UQCR10: variants seen among roughly 807,000 people sequenced by gnomAD.
UQCR10 encodes the protein cytochrome b-c1 complex subunit 9.
In UQCR10, 5 loss-of-function variants were observed where a neutral mutation model predicts 6.0. That is an observed-to-expected ratio of 0.83 (90% CI 0.43 to 1.74). The LOEUF is 1.74. Among genes scored for constraint, UQCR10 ranks in the 40% most tolerant of loss-of-function variants. The pLI, the probability that UQCR10 is intolerant of heterozygous loss-of-function variation, is 0.02. For synonymous variants in UQCR10, 40 were observed against 37.4 expected, an observed-to-expected ratio of 1.07 and a Z score of -0.26; for missense variants, 101 against 85.1, an observed-to-expected ratio of 1.19 and a Z score of -0.74.
chr22:29,770,153 C>T lies in UQCR10; in HGVS notation c.*434C>T. 2.8e-6 allele frequency: 1 copy of T among 361,126 alleles called. No individual in the cohort carries two copies. Among genetic ancestry groups the T allele is most frequent in the Middle Eastern group, 8.2e-4 (1 of 1,218 alleles). The allele number at this position is 361,126 out of a possible 1,614,324, so 22.4% of individuals were successfully genotyped here. A position where few individuals can be genotyped will look rare whatever the true frequency, so the allele number is the denominator to read the frequency against. ...ACTTTGGCTTCTAAGCCAGTAATTC[C>T]ATTCTTAAATACCTCACTGTCTTGG... On this transcript the variant is annotated 3_prime_UTR_variant, in exon 2 of 2. Coordinates refer to ENST00000330029, the MANE Select transcript of UQCR10 (RefSeq NM_013387.4).
chr22:29,768,208 C>CCA (rs1446526922), intron 1 of UQCR10, among the ~76,000 whole-genome samples: 1 of 152,118 alleles, frequency 6.6e-6, no homozygotes, highest in Non-Finnish European at 1.5e-5. Context: ...AGGCAGGGTG[C>CCA]CACATGCCTG....
At position 29,769,921 on chromosome 22, in the gene UQCR10, GAAAT is replaced by G. The variant is rs560413319; in HGVS notation, c.*207_*210del. 5.5e-6 allele frequency: 4 copies of G among 721,152 alleles called. No individual in the cohort carries two copies. Among genetic ancestry groups the G allele is most frequent in the African/African-American group, 5.2e-5 (3 of 57,520 alleles). 44.7% of individuals were successfully genotyped at this position (721,152 alleles called of 1,614,324 possible). ...AAGTATGTTTAGTCAGCATGCTCAG[GAAAT>G]AAATGTGAATTGCCCTTGAGACCTG... On this transcript the variant is annotated 3_prime_UTR_variant, in exon 2 of 2. Coordinates refer to ENST00000330029, the MANE Select transcript of UQCR10 (RefSeq NM_013387.4).
intron 1 of UQCR10, among the ~76,000 whole-genome samples, chr22:29,768,447 C>T (rs1342615878): frequency 6.6e-6 from 1 of 152,106 alleles, no homozygotes; most frequent in East Asian, 1.9e-4. Context: ...GACTCTGCAG[C>T]CCGGGAAGGC....
At chr22:29,767,953 C>T (rs961788518) in intron 1 of UQCR10, among the ~76,000 whole-genome samples, 1 of 152,144 alleles carries the variant, frequency 6.6e-6, no homozygotes, top group African/African-American at 2.4e-5. Context: ...ACGTTAGACA[C>T]CTTAGACGCC....
chr22:29,770,247 C>G lies in UQCR10; in HGVS notation c.*528C>G. Reference sequence around the variant, plus strand: ...CCTAGGGGTCTTAGCCACTCCCCACCCTAGGGTATAGTTCAGGGGTATCCA... The same window carrying G: ...CCTAGGGGTCTTAGCCACTCCCCACGCTAGGGTATAGTTCAGGGGTATCCA... On this transcript the variant is annotated 3_prime_UTR_variant, in exon 2 of 2. Transcript: ENST00000330029. The G allele has an allele frequency of 2.9e-6, 1 of 340,900 alleles. No individual in the cohort carries two copies. 21.1% of individuals were successfully genotyped at this position (340,900 alleles called of 1,614,324 possible).
intron 1 of UQCR10, among the ~76,000 whole-genome samples, chr22:29,769,211 A>G (rs1240873024): frequency 2.0e-5 from 3 of 152,124 alleles, no homozygotes; most frequent in Non-Finnish European, 4.4e-5. Flanking sequence ...GCCAAGAATT[A>G]TGCATGAAGG....
At chr22:29,768,928 C>G (rs2068245372) in intron 1 of UQCR10, among the ~76,000 whole-genome samples, 1 of 152,134 alleles carries the variant, frequency 6.6e-6, no homozygotes, top group African/African-American at 2.4e-5. Context: ...TGCTCAACCT[C>G]TTGTGCTTCT....
At position 29,767,467 on chromosome 22, in the gene UQCR10, C is replaced by G; in HGVS notation, c.69C>G (p.Leu23=). 6.2e-7 allele frequency: 1 copy of G among 1,614,040 alleles called. No individual in the cohort carries two copies. The highest frequency in any genetic ancestry group is 2.2e-5 in the East Asian group (1 of 44,876). The change falls in exon 1 of 2, where the codon CTC becomes CTG. Residue 23 remains leucine, a synonymous_variant. Coordinates refer to ENST00000330029, the MANE Select transcript of UQCR10 (RefSeq NM_013387.4). ...LLFRRTSTFA[L]TIIVGVMFFE... is the part of the protein sequence containing the mutation. ...TCCGCAGGACCTCCACCTTCGCCCT[C>G]ACCATCATCGTGGGCGTCATGTTCT...
Position 29,769,980 on chromosome 22 carries a change from C to G in UQCR10, c.*261C>G. The G allele has an allele frequency of 1.6e-6, 1 of 634,858 alleles. No homozygotes were observed. Among genetic ancestry groups the G allele is most frequent in the Non-Finnish European group, 2.9e-6 (1 of 341,326 alleles). The allele number at this position is 634,858 out of a possible 1,614,324, so 39.3% of individuals were successfully genotyped here. On this transcript the variant is annotated 3_prime_UTR_variant, in exon 2 of 2. Coordinates refer to ENST00000330029, the MANE Select transcript of UQCR10 (RefSeq NM_013387.4). ...TACATTGGTTGCTTTGTTAACTCTA[C>G]CTGATCTTCACTTGTCAGTAATTTG...
intron 1 of UQCR10, among the ~76,000 whole-genome samples, chr22:29,769,013 C>T (rs1372126586): frequency 1.3e-5 from 2 of 152,148 alleles, no homozygotes; most frequent in African/African-American, 2.4e-5. Flanking sequence ...TTTGGGACTA[C>T]GCACTTATAA....
intron 1 of UQCR10, among the ~76,000 whole-genome samples, chr22:29,769,026 T>G (rs1371248645): frequency 2.6e-5 from 4 of 152,182 alleles, no homozygotes; most frequent in South Asian, 4.1e-4. Context: ...ACTTATAATC[T>G]CTTCAGTAAT....
chr22:29,768,517 A>G (rs1170925605), intron 1 of UQCR10, among the ~76,000 whole-genome samples: 2 of 152,078 alleles, frequency 1.3e-5, no homozygotes. Flanking sequence ...ATATGAAAGC[A>G]TTGCTACTGT....
chr22:29,769,517 G>C (rs1179693345), intron 1 of UQCR10, among the ~76,000 whole-genome samples, 161 bp from the exon 2 acceptor site: 1 of 152,152 alleles, frequency 6.6e-6, no homozygotes, highest in South Asian at 2.1e-4. Context: ...TGTGCATCAA[G>C]CATAGGATTG....
At chr22:29,767,862 G>T (rs2068234682) in intron 1 of UQCR10, among the ~76,000 whole-genome samples, 1 of 152,160 alleles carries the variant, frequency 6.6e-6, no homozygotes. Context: ...AGGAAGCCAG[G>T]GGCAAGTCAG....
chr22:29,767,645 G>A, intron 1 of UQCR10, 97 bp downstream of exon 1: 2 of 1,468,286 alleles, frequency 1.4e-6, no homozygotes, highest in Non-Finnish European at 9.1e-7. Context: ...CAGGAAGGGG[G>A]TAAGGGGTAA....
rs1412805281 is a variant in UQCR10 at position 29,770,053 on chromosome 22, A to G, written c.*334A>G. 3 of 444,208 alleles carry G rather than the reference A, an allele frequency of 6.8e-6. No homozygotes were observed. Among genetic ancestry groups the G allele is most frequent in the Non-Finnish European group, 1.3e-5 (3 of 232,816 alleles). The allele number at this position is 444,208 out of a possible 1,614,324, so 27.5% of individuals were successfully genotyped here. On this transcript the variant is annotated 3_prime_UTR_variant, in exon 2 of 2. Transcript: ENST00000330029. Reference sequence around the variant, plus strand: ...AAACACCCCAAAGGCAGAATCTGCTATTTTGAGTTTTCCATTAACTTCCAA... The same window carrying G: ...AAACACCCCAAAGGCAGAATCTGCTGTTTTGAGTTTTCCATTAACTTCCAA...
chr22:29,769,569 C>A, intron 1 of UQCR10, 109 bp from the exon 2 acceptor site: 1 of 1,187,370 alleles, frequency 8.4e-7, no homozygotes. Flanking sequence ...TTAATCAGGA[C>A]ATGGCATGTG....
intron 1 of UQCR10, 115 bp downstream of exon 1, chr22:29,767,663 GCGTCTT>G: frequency 3.5e-6 from 5 of 1,418,612 alleles, no homozygotes; most frequent in Non-Finnish European, 4.7e-6. Flanking sequence ...TAAACCGTCG[GCGTCTT>G]CTGTCTCGAG....
At chr22:29,768,487 C>T (rs752328080) in intron 1 of UQCR10, among the ~76,000 whole-genome samples, 1 of 152,298 alleles carries the variant, frequency 6.6e-6, no homozygotes, top group Non-Finnish European at 1.5e-5. Context: ...CTGCCTGTGA[C>T]CAGTGCAACT....
Sources: allele counts gnomAD v4.1 joint callset (sites outside exome capture counted in the v4.1 genomes callset), GRCh38; gene constraint gnomAD v4.1.1; transcripts MANE v1.5; gene names NCBI Gene and HGNC (gene_info 2026-07-23, HGNC 2026-07-21).